UQCRC1: variants seen among roughly 807,000 people sequenced by gnomAD.
The protein encoded by UQCRC1 is ubiquinol-cytochrome c reductase core protein 1, also known as cytochrome b-c1 complex subunit 1, mitochondrial.
A neutral mutation model predicts 58.0 loss-of-function variants in UQCRC1; 34 were observed. The ratio of observed to expected loss-of-function variants is 0.59; its 90% CI spans 0.45 to 0.78. The LOEUF (loss-of-function observed/expected upper bound fraction) is 0.78. UQCRC1 is among the 30% of genes least tolerant of loss of function. The pLI is 0.00. For missense variants in UQCRC1, 610 were observed against 646.0 expected (o/e 0.94, Z 0.60); for synonymous variants, 276 against 248.8 (o/e 1.11, Z -1.03).
intron 12 of UQCRC1, 175 bp downstream of exon 12, chr3:48,599,460 G>T: frequency 1.3e-6 from 1 of 744,672 alleles, no homozygotes; most frequent in South Asian, 1.8e-5. Flanking sequence ...AGGAACTGCT[G>T]GGACAGGTTT....
intron 3 of UQCRC1, 101 bp from the exon 4 acceptor site, chr3:48,604,881 A>T: frequency 4.6e-6 from 7 of 1,515,024 alleles, no homozygotes; most frequent in Non-Finnish European, 6.3e-6. Context: ...GTCCACAGGT[A>T]CCTCCCTCAG....
chr3:48,604,725 G>A lies in UQCRC1; in HGVS notation c.353C>T (p.Ala118Val). 1.2e-6 allele frequency: 2 copies of A among 1,614,080 alleles called. No individual in the cohort carries two copies. Among genetic ancestry groups the A allele is most frequent in the East Asian group, 4.5e-5 (2 of 44,874 alleles). ...CCGGGTGCTGTAGGCATTAAGATGG[G>A]CCCCCATGCTCTCCACCTCCTTCTC... is the stretch of plus-strand genomic sequence containing the variant. ...ALEKEVESMGAHLNAYSTREH... is the reference protein window; with the variant it reads ...ALEKEVESMGVHLNAYSTREH... Residue 118 changes from alanine to valine, a missense_variant, in exon 4 of 13, where the codon GCC becomes GTC. Physicochemically the swap from Ala to Val is moderately conservative, Grantham distance 64 (BLOSUM62 0). Coordinates refer to ENST00000203407, the MANE Select transcript of UQCRC1 (RefSeq NM_003365.3).
chr3:48,601,083 G>C lies in UQCRC1; in HGVS notation c.858C>G (p.His286Gln). The C allele has an allele frequency of 6.2e-7, 1 of 1,607,398 alleles. No homozygotes were observed. The highest frequency in any genetic ancestry group is 1.3e-5 in the African/African-American group (1 of 74,922). Residue 286 changes from histidine (H) to glutamine (Q), a missense_variant, in exon 8 of 13, where the codon CAC (histidine) becomes CAG (glutamine). Physicochemically the swap from His to Gln is conservative, Grantham distance 24. Transcript: ENST00000203407. ...CAGGACCCTCTACTGCAATGGCCAC[G>C]TGGGCAAAAGGTAGAGCATCATCAC... ...RHRDDALPFA[H>Q]VAIAVEGPGW... is the part of the protein sequence containing the mutation.
intron 2 of UQCRC1, 79 bp from the exon 3 acceptor site, chr3:48,605,935 G>C: frequency 1.4e-6 from 2 of 1,384,832 alleles, no homozygotes. Context: ...GAGTGACTCA[G>C]TACAAGCCCC....
intron 12 of UQCRC1, chr3:48,599,409 C>T (rs568032925): frequency 1.6e-5 from 11 of 690,324 alleles, no homozygotes; most frequent in Middle Eastern, 3.9e-4. Flanking sequence ...CGTTACCTGA[C>T]GGGTGCAGGG....
chr3:48,602,967 C>A (rs1374799046), intron 6 of UQCRC1, among the ~76,000 whole-genome samples: 1 of 152,118 alleles, frequency 6.6e-6, no homozygotes, highest in East Asian at 1.9e-4. Flanking sequence ...CCCTCTCTAG[C>A]CAGCCTACCT....
chr3:48,599,652 G>T lies in UQCRC1; in HGVS notation c.1361C>A (p.Pro454Gln). 6.2e-7 allele frequency: 1 copy of T among 1,613,896 alleles called. No individual in the cohort carries two copies. The highest frequency in any genetic ancestry group is 2.2e-5 in the East Asian group (1 of 44,878). Residue 454 changes from proline to glutamine, a missense_variant, in exon 12 of 13, where the codon CCA becomes CAA. Transcript: ENST00000203407. ...ICSKYIYDQC[P>Q]AVAGYGPIEQ... ...CCACTTACCATATCCAGCCACTGCT[G>T]GGCACTGGTCATAGATGTACTTGGA...
Position 48,604,663 on chromosome 3 carries a change from C to A in UQCRC1, c.415G>T (p.Asp139Tyr). Reference sequence around the variant, plus strand: ...CTCCAGGTGTTACCTTTCGGCAGATCCTTGGACAGCGCCTTGATGTAGTAA... The same window carrying A: ...CTCCAGGTGTTACCTTTCGGCAGATACTTGGACAGCGCCTTGATGTAGTAA... ...TAYYIKALSK[D>Y]LPKAVELLGD... Residue 139 changes from aspartate to tyrosine, a missense_variant, in exon 4 of 13, where the codon GAT becomes TAT. Coordinates refer to ENST00000203407, the MANE Select transcript of UQCRC1 (RefSeq NM_003365.3). 6.2e-7 allele frequency: 1 copy of A among 1,614,196 alleles called. No homozygotes were observed. The highest frequency in any genetic ancestry group is 1.7e-4 in the Middle Eastern group (1 of 6,060).
intron 3 of UQCRC1, 121 bp downstream of exon 3, chr3:48,605,649 G>C (rs2046404763): frequency 9.1e-6 from 9 of 993,484 alleles, no homozygotes; most frequent in Non-Finnish European, 1.3e-5. Flanking sequence ...TTTTAGGAAA[G>C]CCAGCCAGAC....
rs1325746302 is a variant in UQCRC1, at chr3:48,604,450, T to C, written c.428-19A>G. Reference sequence around the variant, plus strand: ...TCCACAGCTAGATGCAAGGAGGACATGTTTAGGTGCCAGGTGGACCACTGC... The same window carrying C: ...TCCACAGCTAGATGCAAGGAGGACACGTTTAGGTGCCAGGTGGACCACTGC... On this transcript the variant is annotated intron_variant, in intron 4 of 12. Coordinates refer to ENST00000203407, the MANE Select transcript of UQCRC1 (RefSeq NM_003365.3). The C allele has an allele frequency of 2.5e-6, 4 of 1,612,360 alleles. No individual in the cohort carries two copies. Among genetic ancestry groups the C allele is most frequent in the East Asian group, 2.2e-5 (1 of 44,856 alleles).
At chr3:48,602,742 C>A (rs2046378127) in intron 6 of UQCRC1, among the ~76,000 whole-genome samples, 1 of 151,834 alleles carries the variant, frequency 6.6e-6, no homozygotes, top group Non-Finnish European at 1.5e-5. Context: ...GGGCTGGTCT[C>A]GAACTCCTTA....
In UQCRC1 at chr3:48,600,536, C is replaced by T. The variant is rs769297966; in HGVS notation, c.1159G>A (p.Glu387Lys). The T allele has an allele frequency of 6.2e-7, 1 of 1,614,130 alleles. No homozygotes were observed. The highest frequency in any genetic ancestry group is 1.7e-5 in the Admixed American group (1 of 60,014). ...AGGATGTTTTTGCCCCGGGCCACCT[C>T]ACTCTCCGTGGCACTGGTACACAGG... Reference protein sequence around the residue: ...MRLCTSATESEVARGKNILRN... With the variant: ...MRLCTSATESKVARGKNILRN... The change falls in exon 10 of 13, where the codon GAG becomes AAG. Residue 387 changes from glutamate to lysine, a missense_variant. By Grantham distance (56) the Glu-to-Lys change is moderately conservative (BLOSUM62 1). Transcript: ENST00000203407.
At chr3:48,605,016 A>G (rs1279613797) in intron 3 of UQCRC1, among the ~76,000 whole-genome samples, 1 of 152,190 alleles carries the variant, frequency 6.6e-6, no homozygotes, top group African/African-American at 2.4e-5. Flanking sequence ...ACTGAAGGGC[A>G]TGGCCAGAGC....
At chr3:48,602,597 G>A (rs892732509) in intron 6 of UQCRC1, among the ~76,000 whole-genome samples, 11 of 147,546 alleles carry the variant, frequency 7.5e-5, no homozygotes, top group Admixed American at 1.4e-4. Context: ...ATCTCAGCTC[G>A]CTGCAACCTC....
intron 12 of UQCRC1, 165 bp from the exon 13 acceptor site, chr3:48,599,357 T>C (rs1188438530): frequency 5.8e-6 from 5 of 856,726 alleles, no homozygotes; most frequent in South Asian, 5.3e-5. Context: ...GCCTGTCCCT[T>C]CATGTTCTGG....
At chr3:48,608,405 C>G (rs1032873827) in intron 2 of UQCRC1, among the ~76,000 whole-genome samples, 1 of 152,216 alleles carries the variant, frequency 6.6e-6, no homozygotes, top group Non-Finnish European at 1.5e-5. Context: ...TTCTCTGGCA[C>G]TGGAGCACAG....
In UQCRC1 at chr3:48,605,805, C is replaced by T; in HGVS notation, c.262G>A (p.Gly88Arg). ...GSRFETEKNNGAGYFLEHLAF... is the reference protein window; with the variant it reads ...GSRFETEKNNRAGYFLEHLAF... Reference sequence around the variant, plus strand: ...AGATGCTCCAAAAAGTAGCCTGCCCCATTATTCTTCTCAGTCTCAAAACGG... The same window carrying T: ...AGATGCTCCAAAAAGTAGCCTGCCCTATTATTCTTCTCAGTCTCAAAACGG... The change falls in exon 3 of 13, where the codon GGG (glycine) becomes AGG (arginine). Residue 88 changes from glycine (G) to arginine (R), a missense_variant. Physicochemically the swap from Gly to Arg is moderately radical, Grantham distance 125 (BLOSUM62 -2). Transcript: ENST00000203407. 1 of 1,613,952 alleles carries T rather than the reference C, an allele frequency of 6.2e-7. No individual in the cohort carries two copies. The highest frequency in any genetic ancestry group is 8.5e-7 in the Non-Finnish European group (1 of 1,179,934).
chr3:48,602,380 G>C (rs939932324), intron 6 of UQCRC1, among the ~76,000 whole-genome samples: 1 of 151,690 alleles, frequency 6.6e-6, no homozygotes, highest in African/African-American at 2.4e-5. Flanking sequence ...TTCCTTCCAT[G>C]AGCTCAAGCC....
At chr3:48,600,917 C>T in intron 8 of UQCRC1, 58 bp downstream of exon 8, 1 of 1,607,158 alleles carries the variant, frequency 6.2e-7, no homozygotes, top group Non-Finnish European at 8.5e-7. Context: ...CAGGAGCACA[C>T]AGCCCCAGCA....
Sources: gnomAD v4.1 joint callset for allele counts (sites outside exome capture counted in the v4.1 genomes callset) on GRCh38, gnomAD v4.1.1 for gene constraint, MANE v1.5 for transcripts, NCBI Gene and HGNC (gene_info 2026-07-23, HGNC 2026-07-21) for gene names.